Variants in PREX2 observed in about 807,000 individuals in gnomAD.
PREX2 encodes phosphatidylinositol 3,4,5-trisphosphate-dependent Rac exchanger 2 protein.
PREX2 carries 107 observed loss-of-function variants against 203.2 expected under a neutral mutation model. The ratio of observed to expected loss-of-function variants is 0.53; its 90% confidence interval spans 0.45 to 0.62. The LOEUF (loss-of-function observed/expected upper bound fraction) is 0.62. Among genes scored for constraint, PREX2 ranks in the 20% least tolerant of loss-of-function variants. PREX2 has a pLI of 0.00. For missense variants in PREX2, 1,777 were observed against 1,955.9 expected (o/e 0.91, Z 1.72); for synonymous variants, 672 against 663.6 (o/e 1.01, Z -0.19).
intron 20 of PREX2, among the ~76,000 whole-genome samples, chr8:68,092,682 A>G (rs369956887): frequency 2.8e-4 from 43 of 152,264 alleles, no homozygotes; most frequent in African/African-American, 8.9e-4. Flanking sequence ...TGTCCTTCCA[A>G]TTTTCATATT....
intron 1 of PREX2, among the ~76,000 whole-genome samples, chr8:68,017,036 G>A (rs1181395447): frequency 1.3e-5 from 2 of 152,154 alleles, no homozygotes; most frequent in African/African-American, 4.8e-5. Flanking sequence ...GGACATAAAT[G>A]AAATTTGCTA....
Position 67,952,636 on chromosome 8 carries a change from C to A in PREX2, c.141+101C>A, listed in dbSNP as rs776167489. The A allele has an allele frequency of 2.7e-6, 4 of 1,490,446 alleles. No individual in the cohort carries two copies. In the African/African-American group the frequency reaches 5.6e-5, roughly 21 times the overall value. The allele number at this position is 1,490,446 out of a possible 1,614,324, so 92.3% of individuals were successfully genotyped here. On this transcript the variant is annotated intron_variant, in intron 1 of 39. Coordinates refer to ENST00000288368, the MANE Select transcript of PREX2 (RefSeq NM_024870.4). ...CGCGCGGCATTGTCTGTGCGGGGAC[C>A]CGGGACGGGTCGGGGCATCACAGGC...
chr8:68,060,832 TC>T (rs1563523886), intron 11 of PREX2, 53 bp downstream of exon 11: 1 of 1,168,492 alleles, frequency 8.6e-7, no homozygotes, highest in African/African-American at 1.6e-5. Flanking sequence ...GCCATATGTA[TC>T]TTAATCCCAT....
At chr8:68,083,440 A>C (rs1809591977) in intron 18 of PREX2, 52 bp downstream of exon 18, 2 of 1,366,716 alleles carry the variant, frequency 1.5e-6, no homozygotes, top group African/African-American at 2.9e-5. Flanking sequence ...ATAGATAAGT[A>C]ACACAGAAAA....
intron 38 of PREX2, 29 bp downstream of exon 38, chr8:68,217,747 T>C (rs771951435): frequency 6.6e-7 from 1 of 1,504,440 alleles, no homozygotes; most frequent in Admixed American, 1.7e-5. Flanking sequence ...TGGGAATAGT[T>C]GTTTTGTAGG....
chr8:67,975,592 T>G (rs186966839), intron 1 of PREX2, among the ~76,000 whole-genome samples: 56 of 151,596 alleles, frequency 3.7e-4, no homozygotes, highest in Admixed American at 5.9e-4. Context: ...TTACTATGAA[T>G]AGCTAGTGTG....
intron 8 of PREX2, among the ~76,000 whole-genome samples, chr8:68,052,061 T>A (rs1808540383): frequency 6.6e-6 from 1 of 152,074 alleles, no homozygotes; most frequent in African/African-American, 2.4e-5. Flanking sequence ...CTGTTTCTAC[T>A]CAAAAACTTA....
chr8:68,025,133 T>C (rs1807679261), intron 4 of PREX2, among the ~76,000 whole-genome samples: 1 of 152,016 alleles, frequency 6.6e-6, no homozygotes, highest in African/African-American at 2.4e-5. Flanking sequence ...ATTAGGTTTT[T>C]CAGCCCTTAG....
intron 37 of PREX2, among the ~76,000 whole-genome samples, chr8:68,195,919 C>T (rs1220388716): frequency 8.6e-5 from 13 of 151,960 alleles, no homozygotes; most frequent in Non-Finnish European, 1.8e-4. Context: ...CTTTTTGGAA[C>T]GAAAAGGCAG....
At chr8:67,957,643 A>G (rs1805527953) in intron 1 of PREX2, among the ~76,000 whole-genome samples, 1 of 152,242 alleles carries the variant, frequency 6.6e-6, no homozygotes, top group Non-Finnish European at 1.5e-5. Context: ...GCAGGTGCTC[A>G]AGAAAACAGA....
intron 23 of PREX2, among the ~76,000 whole-genome samples, chr8:68,100,746 C>A (rs1810238415): frequency 6.6e-6 from 1 of 152,078 alleles, no homozygotes; most frequent in Admixed American, 6.6e-5. Flanking sequence ...GGATTTTATT[C>A]TTATATTAAT....
intron 1 of PREX2, among the ~76,000 whole-genome samples, chr8:67,976,145 C>G (rs1211519332): frequency 6.6e-6 from 1 of 152,170 alleles, no homozygotes; most frequent in African/African-American, 2.4e-5. Flanking sequence ...AAACCCCCAG[C>G]AGCACCCTTT....
intron 10 of PREX2, among the ~76,000 whole-genome samples, chr8:68,057,007 A>G (rs1477188568): frequency 4.6e-5 from 7 of 152,116 alleles, no homozygotes; most frequent in African/African-American, 1.7e-4. Context: ...TGCCTCCCTC[A>G]TATGGTTTGG....
At chr8:67,987,030 G>A (rs1480791105) in intron 1 of PREX2, among the ~76,000 whole-genome samples, 1 of 151,756 alleles carries the variant, frequency 6.6e-6, no homozygotes, top group Admixed American at 6.6e-5. Context: ...TCAGGTGCCT[G>A]TAGTCCCAGC....
intron 23 of PREX2, chr8:68,106,177 C>T (rs1810406423): frequency 8.1e-6 from 3 of 368,382 alleles, no homozygotes; most frequent in South Asian, 2.1e-5. Context: ...AGCATAACTT[C>T]CTATTATGGT....
chr8:68,139,365 G>A (rs577209762), intron 33 of PREX2, among the ~76,000 whole-genome samples: 16 of 152,142 alleles, frequency 1.1e-4, no homozygotes, highest in Non-Finnish European at 2.1e-4. Flanking sequence ...GAGGCTGGGA[G>A]CAGACATGGC....
At chr8:67,991,962 T>G (rs1180051038) in intron 1 of PREX2, among the ~76,000 whole-genome samples, 1 of 152,226 alleles carries the variant, frequency 6.6e-6, no homozygotes, top group Non-Finnish European at 1.5e-5. Flanking sequence ...CATTACAAAT[T>G]ATACTATCTT....
intron 38 of PREX2, among the ~76,000 whole-genome samples, chr8:68,223,923 G>C (rs1158766944): frequency 6.6e-6 from 1 of 152,168 alleles, no homozygotes; most frequent in Non-Finnish European, 1.5e-5. Context: ...ATAAAACTGT[G>C]ATTTCTGTTC....
At chr8:68,154,744 A>G (rs1811507781) in intron 34 of PREX2, among the ~76,000 whole-genome samples, 1 of 152,244 alleles carries the variant, frequency 6.6e-6, no homozygotes, top group African/African-American at 2.4e-5. Flanking sequence ...GCTGAAAATG[A>G]ACTTGCAATA....
Sources: gnomAD v4.1 joint callset for allele counts (sites outside exome capture counted in the v4.1 genomes callset) on GRCh38, gnomAD v4.1.1 for gene constraint, MANE v1.5 for transcripts, NCBI Gene and HGNC (gene_info 2026-07-23, HGNC 2026-07-21) for gene names.